Variants in ITK observed in about 807,000 individuals in gnomAD.
ITK encodes tyrosine-protein kinase ITK/TSK.
ITK carries 45 observed loss-of-function variants against 87.6 expected under a neutral mutation model. The observed-to-expected ratio is 0.51, with a 90% confidence interval of 0.40 to 0.66. The LOEUF is 0.66. Among genes scored for constraint, ITK ranks in the 30% least tolerant of loss-of-function variants. The pLI is 0.00. For synonymous variants in ITK, 303 were observed against 273.6 expected (o/e 1.11, Z -1.06); for missense variants, 605 against 766.3 (o/e 0.79, Z 2.48).
intron 6 of ITK, among the ~76,000 whole-genome samples, chr5:157,226,509 T>A (rs1222363146): frequency 6.6e-6 from 1 of 152,254 alleles, no homozygotes; most frequent in East Asian, 1.9e-4. Context: ...TCCGTTGGAA[T>A]GGCTGCCTTG....
intron 1 of ITK, among the ~76,000 whole-genome samples, chr5:157,189,400 C>T (rs1753707442): frequency 6.6e-6 from 1 of 152,042 alleles, no homozygotes; most frequent in Non-Finnish European, 1.5e-5. Context: ...CAGTTTCAGC[C>T]TGGGCACAGT....
rs751649988 is a variant in ITK, at chr5:157,252,686, T to C, written c.*8T>C. The C allele has an allele frequency of 1.2e-6, 2 of 1,602,162 alleles. No individual in the cohort carries two copies. Among genetic ancestry groups the C allele is most frequent in the Admixed American group, 3.3e-5 (2 of 59,992 alleles). On this transcript the variant is annotated 3_prime_UTR_variant, in exon 17 of 17. Coordinates refer to ENST00000422843, the MANE Select transcript of ITK (RefSeq NM_005546.4). ...GCAGAATCAGGACTTTAGTAGAGAC[T>C]GAGTACCAGGCCACGGGCTGCAGAT... is the stretch of plus-strand genomic sequence containing the variant.
At chr5:157,228,571 C>G (rs1342372840) in intron 7 of ITK, among the ~76,000 whole-genome samples, 1 of 151,832 alleles carries the variant, frequency 6.6e-6, no homozygotes, top group African/African-American at 2.4e-5. Flanking sequence ...AGGGATAGAA[C>G]AAAAAGGAAC....
intron 7 of ITK, among the ~76,000 whole-genome samples, chr5:157,231,482 A>G (rs13158680): frequency 0.018 from 2,675 of 152,334 alleles, 31 homozygotes; most frequent in Non-Finnish European, 0.027. Context: ...GTTCTGTCTT[A>G]TAATGTTCAA....
At chr5:157,201,261 G>A (rs1392970722) in intron 1 of ITK, among the ~76,000 whole-genome samples, 1 of 147,632 alleles carries the variant, frequency 6.8e-6, no homozygotes, top group Middle Eastern at 3.4e-3. Context: ...AAGACTGAGT[G>A]CTTTATCTGT....
chr5:157,246,085 C>A, intron 15 of ITK, 86 bp downstream of exon 15: 1 of 924,630 alleles, frequency 1.1e-6, no homozygotes, highest in South Asian at 1.3e-5. Context: ...ACCCTACCCA[C>A]ACTGAACCCT....
At chr5:157,252,572 C>A (rs745358678) in intron 16 of ITK, 35 bp from the exon 17 acceptor site, 11 of 1,538,902 alleles carry the variant, frequency 7.1e-6, no homozygotes, top group Non-Finnish European at 9.0e-6. Context: ...CGCATAAGTA[C>A]AAGGAACTTA....
Position 157,248,867 on chromosome 5 carries a change from G to T in ITK, c.1651G>T (p.Val551Phe). The T allele has an allele frequency of 6.2e-7, 1 of 1,613,976 alleles. No individual in the cohort carries two copies. Among genetic ancestry groups the T allele is most frequent in the Non-Finnish European group, 8.5e-7 (1 of 1,179,890 alleles). ...TCTTGTAGGTGTGCTGATGTGGGAA[G>T]TTTTCAGTGAAGGCAAAATCCCGTA... is the stretch of plus-strand genomic sequence containing the variant. ...VWSFGVLMWE[V>F]FSEGKIPYEN... Residue 551 changes from valine to phenylalanine, a missense_variant, in exon 16 of 17, where the codon GTT becomes TTT. Coordinates refer to ENST00000422843, the MANE Select transcript of ITK (RefSeq NM_005546.4).
At chr5:157,223,098 C>T in intron 6 of ITK, 84 bp downstream of exon 6, 2 of 1,500,254 alleles carry the variant, frequency 1.3e-6, no homozygotes, top group Non-Finnish European at 1.9e-6. Flanking sequence ...TCCTATCTCC[C>T]ACAGTGTAAC....
At chr5:157,249,821 A>G (rs1755105863) in intron 16 of ITK, among the ~76,000 whole-genome samples, 1 of 152,250 alleles carries the variant, frequency 6.6e-6, no homozygotes, top group South Asian at 2.1e-4. Context: ...AGAGACATAA[A>G]GGAGGGCATA....
Position 157,181,158 on chromosome 5 carries a change from A to ATG in ITK, c.138+45_138+46dup, listed in dbSNP as rs776401801. Reference sequence around the variant, plus strand: ...TTTGTCTTTTTTCGCATAGCATTTTATGTTTGGACTGGGCTAATGCAAAAA... The same window carrying ATG: ...TTTGTCTTTTTTCGCATAGCATTTTATGTGTTTGGACTGGGCTAATGCAAAAA... On this transcript the variant is annotated intron_variant, in intron 1 of 16. Transcript: ENST00000422843. The ATG allele has an allele frequency of 1.6e-5, 25 of 1,606,504 alleles. No homozygotes were observed. The African/African-American group carries it at 3.3e-4, about 21-fold the overall frequency.
At chr5:157,208,601 G>A (rs973182029) in intron 1 of ITK, among the ~76,000 whole-genome samples, 5 of 152,152 alleles carry the variant, frequency 3.3e-5, no homozygotes, top group African/African-American at 4.8e-5. Context: ...TACAAGTTCT[G>A]CCAATGCTGC....
In ITK at chr5:157,245,868, A is replaced by G. The variant is rs1755010884; in HGVS notation, c.1515-13A>G. ...CGGAACATTCTGACCTTCTCCCTCCACTCTCTTCCCAGGTTCGTTCTGGAT... is the reference window on the plus strand; with the variant it reads ...CGGAACATTCTGACCTTCTCCCTCCGCTCTCTTCCCAGGTTCGTTCTGGAT... On this transcript the variant is annotated splice_polypyrimidine_tract_variant and intron_variant, in intron 14 of 16. Transcript: ENST00000422843. 1 of 1,611,776 alleles carries G rather than the reference A, an allele frequency of 6.2e-7. No individual in the cohort carries two copies. Among genetic ancestry groups the G allele is most frequent in the South Asian group, 1.1e-5 (1 of 91,032 alleles).
At chr5:157,250,675 C>T (rs1409778384) in intron 16 of ITK, among the ~76,000 whole-genome samples, 1 of 152,062 alleles carries the variant, frequency 6.6e-6, no homozygotes, top group Non-Finnish European at 1.5e-5. Context: ...TGCCACTAGG[C>T]CCAGCTAATT....
rs1755171316 is a variant in ITK, at chr5:157,252,885, G to A, written c.*207G>A. 1.6e-6 allele frequency: 1 copy of A among 617,296 alleles called. No homozygotes were observed. Among genetic ancestry groups the A allele is most frequent in the South Asian group, 1.7e-5 (1 of 57,650 alleles). 38.2% of individuals were successfully genotyped at this position (617,296 alleles called of 1,614,324 possible). ...AGCTGGAGGGTCAGCCACCAAGCTG[G>A]GAGCTGAGCCAGAACAGGAGTGATG... is the stretch of plus-strand genomic sequence containing the variant. On this transcript the variant is annotated 3_prime_UTR_variant, in exon 17 of 17. Transcript: ENST00000422843.
intron 8 of ITK, among the ~76,000 whole-genome samples, chr5:157,235,719 T>G (rs374346642): frequency 2.6e-5 from 4 of 152,246 alleles, no homozygotes; most frequent in African/African-American, 9.6e-5. Flanking sequence ...GAGACACTCT[T>G]AAAGTATAAT....
intron 1 of ITK, among the ~76,000 whole-genome samples, chr5:157,203,646 G>A (rs530246935): frequency 1.3e-5 from 2 of 152,328 alleles, no homozygotes; most frequent in South Asian, 2.1e-4. Context: ...AGGCAGCTCC[G>A]CTGTGCTCTA....
intron 15 of ITK, among the ~76,000 whole-genome samples, chr5:157,247,834 C>G (rs183398978): frequency 6.6e-5 from 10 of 152,318 alleles, no homozygotes; most frequent in Non-Finnish European, 4.4e-5. Context: ...AAGTCAACCT[C>G]TTTGTACTTT....
intron 1 of ITK, chr5:157,199,213 G>A (rs541566407): frequency 3.3e-5 from 5 of 152,196 alleles, no homozygotes; most frequent in Non-Finnish European, 7.3e-5. Context: ...ATGAGGTTAG[G>A]ATGCAAACCT....
Sources: allele counts gnomAD v4.1 joint callset (sites outside exome capture counted in the v4.1 genomes callset), GRCh38; gene constraint gnomAD v4.1.1; transcripts MANE v1.5; gene names NCBI Gene and HGNC (gene_info 2026-07-23, HGNC 2026-07-21).